Variants in DDC observed in about 807,000 individuals in gnomAD.
DDC encodes the protein aromatic-L-amino-acid decarboxylase.
Under a neutral mutation model 60.0 loss-of-function variants are expected in DDC, and 43 were observed. The ratio of observed to expected loss-of-function variants is 0.72; its 90% confidence interval spans 0.56 to 0.92. The LOEUF (loss-of-function observed/expected upper bound fraction) is 0.92, where lower values mean the gene tolerates loss of function less well. DDC is among the 40% of genes least tolerant of loss of function. The pLI is 0.00. For missense variants in DDC, 573 were observed against 620.2 expected (o/e 0.92, Z 0.81); for synonymous variants, 232 against 234.6 (o/e 0.99, Z 0.10).
chr7:50,488,403 A>C (rs2042930521), intron 9 of DDC, among the ~76,000 whole-genome samples: 1 of 152,046 alleles, frequency 6.6e-6, no homozygotes, highest in Non-Finnish European at 1.5e-5. Context: ...AGTAAATAAA[A>C]GAGATGCAAA....
intron 2 of DDC, among the ~76,000 whole-genome samples, chr7:50,540,698 A>C (rs1313638481): frequency 6.6e-6 from 1 of 152,146 alleles, no homozygotes; most frequent in East Asian, 1.9e-4. Flanking sequence ...GGCTAGGGGC[A>C]TCCCACCTTT....
At chr7:50,534,483 A>T (rs925342033) in intron 4 of DDC, among the ~76,000 whole-genome samples, 11 of 152,158 alleles carry the variant, frequency 7.2e-5, no homozygotes, top group Non-Finnish European at 1.6e-4. Context: ...TTGTAATCCC[A>T]GCTTCTTGGG....
chr7:50,486,278 A>G (rs1425519791), intron 9 of DDC, among the ~76,000 whole-genome samples: 2 of 152,164 alleles, frequency 1.3e-5, no homozygotes, highest in Non-Finnish European at 2.9e-5. Context: ...CTTTGCGTGC[A>G]TGCACTCTTG....
chr7:50,489,881 G>A (rs1310044129), intron 9 of DDC, among the ~76,000 whole-genome samples: 1 of 152,096 alleles, frequency 6.6e-6, no homozygotes, highest in Non-Finnish European at 1.5e-5. Flanking sequence ...AATGATTTAT[G>A]GAAATTATAT....
intron 9 of DDC, among the ~76,000 whole-genome samples, chr7:50,494,591 GAAA>G (rs562491116): frequency 7.2e-6 from 1 of 138,406 alleles, no homozygotes; most frequent in Non-Finnish European, 1.6e-5. Context: ...ACACTGTCTC[GAAA>G]AAAAAAAAAG....
intron 9 of DDC, among the ~76,000 whole-genome samples, chr7:50,486,259 C>T (rs990533021): frequency 1.3e-5 from 2 of 152,234 alleles, no homozygotes; most frequent in Admixed American, 6.5e-5. Context: ...ATTTGTAAAA[C>T]GTATGTTGCT....
chr7:50,474,390 G>C (rs1050558182), intron 11 of DDC, among the ~76,000 whole-genome samples: 9 of 152,196 alleles, frequency 5.9e-5, no homozygotes, highest in African/African-American at 2.2e-4. Flanking sequence ...AGGGACTGGT[G>C]GTGGAGGGAG....
chr7:50,524,021 A>G (rs1048877548), intron 6 of DDC, among the ~76,000 whole-genome samples: 1 of 152,246 alleles, frequency 6.6e-6, no homozygotes, highest in African/African-American at 2.4e-5. Context: ...AAAGACATGG[A>G]GGAAACTTAA....
intron 4 of DDC, among the ~76,000 whole-genome samples, chr7:50,537,322 G>A (rs990169721): frequency 2.4e-4 from 37 of 152,344 alleles, no homozygotes; most frequent in African/African-American, 7.7e-4. Flanking sequence ...GCTGTCCTCC[G>A]AGGAATATCA....
intron 8 of DDC, among the ~76,000 whole-genome samples, chr7:50,496,093 C>T (rs2043120831): frequency 6.7e-6 from 1 of 148,462 alleles, no homozygotes; most frequent in Non-Finnish European, 1.5e-5. Flanking sequence ...ATGCTTCTCT[C>T]TCTTTTTTTT....
intron 4 of DDC, 104 bp from the exon 5 acceptor site, chr7:50,529,446 T>TA: frequency 3.5e-6 from 5 of 1,448,490 alleles, no homozygotes; most frequent in Non-Finnish European, 4.8e-6. Flanking sequence ...TTTCTTAAAA[T>TA]ATGAGTCTGA....
chr7:50,544,214 G>A (rs1429971713), intron 1 of DDC, 101 bp from the exon 2 acceptor site: 1 of 884,228 alleles, frequency 1.1e-6, no homozygotes, highest in South Asian at 1.4e-5. Flanking sequence ...GGCAGTGACT[G>A]CATGCCCTGG....
intron 6 of DDC, among the ~76,000 whole-genome samples, chr7:50,510,254 T>G (rs1052143229): frequency 6.6e-6 from 1 of 151,960 alleles, no homozygotes; most frequent in African/African-American, 2.4e-5. Context: ...AGATTACAGG[T>G]GTGAGCCACC....
chr7:50,492,810 C>T, intron 9 of DDC: 4 of 1,494,394 alleles, frequency 2.7e-6, no homozygotes, highest in Non-Finnish European at 3.6e-6. Flanking sequence ...ACCCCGAGCG[C>T]CGGGGAAGAG....
chr7:50,494,225 C>T (rs11575434), intron 9 of DDC, among the ~76,000 whole-genome samples: 14,158 of 152,160 alleles, frequency 0.093, 691 homozygotes, highest in African/African-American at 0.13. Context: ...TAAGAATTTC[C>T]GGCCAGGCAC....
chr7:50,463,453 A>T, intron 13 of DDC, 22 bp from the exon 14 acceptor site: 1 of 1,607,674 alleles, frequency 6.2e-7, no homozygotes, highest in African/African-American at 1.3e-5. Flanking sequence ...GAAAGAGAGG[A>T]ACTGTGCTCA....
intron 6 of DDC, among the ~76,000 whole-genome samples, chr7:50,508,489 C>T (rs2043461275): frequency 6.6e-6 from 1 of 152,244 alleles, no homozygotes; most frequent in Non-Finnish European, 1.5e-5. Context: ...AGGCATCGCC[C>T]TCTGTGGCCC....
chr7:50,530,164 AG>A (rs2044158657), intron 4 of DDC, among the ~76,000 whole-genome samples: 2 of 152,084 alleles, frequency 1.3e-5, no homozygotes, highest in Non-Finnish European at 2.9e-5. Context: ...CTGAGGTGGG[AG>A]GATGACTTGA....
chr7:50,511,968 G>T (rs1472648100), intron 6 of DDC, among the ~76,000 whole-genome samples: 1 of 151,306 alleles, frequency 6.6e-6, no homozygotes, highest in Non-Finnish European at 1.5e-5. Context: ...AAGGGTAATG[G>T]GTGCACCAAA....
Sources: allele counts gnomAD v4.1 joint callset (sites outside exome capture counted in the v4.1 genomes callset), GRCh38; gene constraint gnomAD v4.1.1; transcripts MANE v1.5; gene names NCBI Gene and HGNC (gene_info 2026-07-23, HGNC 2026-07-21).